Variants in CYB5A observed in about 807,000 individuals in gnomAD.
CYB5A encodes cytochrome b5 type A.
Under a neutral mutation model 16.2 loss-of-function variants are expected in CYB5A, and 10 were observed. The ratio of observed to expected loss-of-function variants is 0.62; its 90% CI spans 0.38 to 1.04. The LOEUF (loss-of-function observed/expected upper bound fraction) is 1.04. CYB5A is among the 50% of genes least tolerant of loss of function. The pLI is 0.01. For missense variants in CYB5A, 161 were observed against 165.9 expected (o/e 0.97, Z 0.16); for synonymous variants, 62 against 57.0 (o/e 1.09, Z -0.40).
At chr18:74,290,458 TG>T (rs200354466) in intron 1 of CYB5A, among the ~76,000 whole-genome samples, 3,664 of 152,268 alleles carry the variant, frequency 0.024, 149 homozygotes, top group African/African-American at 0.083. Flanking sequence ...TTGGTCAAGC[TG>T]GTCTCGAACT....
intron 1 of CYB5A, among the ~76,000 whole-genome samples, chr18:74,264,267 TG>T (rs1440230410): frequency 6.6e-6 from 1 of 151,616 alleles, no homozygotes; most frequent in East Asian, 1.9e-4. Context: ...CAACATAAGT[TG>T]CTTCCCCATG....
At chr18:74,268,770 G>A (rs560202416) in intron 1 of CYB5A, among the ~76,000 whole-genome samples, 16 of 152,284 alleles carry the variant, frequency 1.1e-4, no homozygotes, top group Admixed American at 4.6e-4. Context: ...CTGAATGGAA[G>A]ATGGGGCCAA....
At chr18:74,260,800 A>G in intron 3 of CYB5A, 115 bp downstream of exon 3, 1 of 877,052 alleles carries the variant, frequency 1.1e-6, no homozygotes, top group Non-Finnish European at 1.9e-6. Context: ...ATATTCATTT[A>G]TCTAGAAAGA....
Position 74,263,239 on chromosome 18 carries a change from T to G in CYB5A, c.258+110A>C, listed in dbSNP as rs544103728. The stretch of plus-strand genomic sequence containing the variant: ...AATGGTGTCCTAAAATCAGGAGTTG[T>G]TTTTGCTTTACTCCTTTTAAAATGT... On this transcript the variant is annotated intron_variant, in intron 2 of 4. Coordinates refer to ENST00000340533, the MANE Select transcript of CYB5A (RefSeq NM_148923.4). 2.2e-5 allele frequency: 32 copies of G among 1,428,268 alleles called. No individual in the cohort carries two copies. In the East Asian group the frequency reaches 7.1e-4, roughly 32 times the overall value. The allele number at this position is 1,428,268 out of a possible 1,614,324, so 88.5% of individuals were successfully genotyped here.
intron 4 of CYB5A, among the ~76,000 whole-genome samples, chr18:74,254,799 C>T (rs1004113607): frequency 6.6e-6 from 1 of 152,098 alleles, no homozygotes; most frequent in Non-Finnish European, 1.5e-5. Flanking sequence ...GGATTACAGG[C>T]GTGAGCCACC....
At chr18:74,275,145 C>T (rs1453064622) in intron 1 of CYB5A, among the ~76,000 whole-genome samples, 13 of 152,180 alleles carry the variant, frequency 8.5e-5, no homozygotes, top group Admixed American at 6.5e-4. Flanking sequence ...AGGTACCCTT[C>T]GCTGAACAAA....
intron 1 of CYB5A, among the ~76,000 whole-genome samples, chr18:74,272,811 A>G (rs1319926504): frequency 6.6e-6 from 1 of 151,798 alleles, no homozygotes; most frequent in East Asian, 1.9e-4. Flanking sequence ...ATCCTCAGCT[A>G]CTTGGGAGGC....
chr18:74,281,529 G>C (rs998193453), intron 1 of CYB5A, among the ~76,000 whole-genome samples: 1 of 152,174 alleles, frequency 6.6e-6, no homozygotes, highest in Non-Finnish European at 1.5e-5. Context: ...ATCTATGTCA[G>C]AGTCTGCTGA....
intron 1 of CYB5A, among the ~76,000 whole-genome samples, chr18:74,267,762 G>A (rs1291271622): frequency 2.0e-5 from 3 of 152,202 alleles, no homozygotes; most frequent in African/African-American, 7.2e-5. Context: ...TTCTCCCAAA[G>A]AGCCTGAGCC....
chr18:74,260,487 A>C (rs1982155452), intron 3 of CYB5A: 1 of 277,604 alleles, frequency 3.6e-6, no homozygotes, highest in Non-Finnish European at 7.0e-6. Context: ...TATTTATTGA[A>C]CACCTACTAT....
intron 1 of CYB5A, among the ~76,000 whole-genome samples, chr18:74,288,057 T>G (rs1340523537): frequency 2.0e-5 from 3 of 152,254 alleles, no homozygotes; most frequent in African/African-American, 7.2e-5. Context: ...ATCTTTTAAG[T>G]ATCAGACAGT....
chr18:74,279,517 G>A (rs932247238), intron 1 of CYB5A, among the ~76,000 whole-genome samples: 3 of 152,162 alleles, frequency 2.0e-5, no homozygotes, highest in Admixed American at 6.5e-5. Flanking sequence ...GCGACAGAGT[G>A]AGACTCCGTC....
chr18:74,267,054 G>C (rs1982469266), intron 1 of CYB5A, among the ~76,000 whole-genome samples: 1 of 152,162 alleles, frequency 6.6e-6, no homozygotes, highest in Admixed American at 6.5e-5. Context: ...GAGAGAGAGA[G>C]AGAGACACTT....
chr18:74,275,276 C>A (rs1982825801), intron 1 of CYB5A, among the ~76,000 whole-genome samples: 1 of 152,192 alleles, frequency 6.6e-6, no homozygotes, highest in Admixed American at 6.5e-5. Flanking sequence ...ACAGATACTT[C>A]CCAGCCTCCT....
chr18:74,258,898 T>G (rs1982091964), intron 3 of CYB5A: 1 of 152,304 alleles, frequency 6.6e-6, no homozygotes, highest in Admixed American at 6.5e-5. Context: ...AATCTCGGCA[T>G]TTTGGGAGGC....
intron 1 of CYB5A, among the ~76,000 whole-genome samples, chr18:74,285,125 A>G (rs1983271050): frequency 6.6e-6 from 1 of 152,334 alleles, no homozygotes; most frequent in Admixed American, 6.5e-5. Flanking sequence ...ATGAATTTCA[A>G]CACCCATACT....
Position 74,291,945 on chromosome 18 carries a change from A to G in CYB5A, c.-70T>C. Reference sequence around the variant, plus strand: ...GTGGAGCAGAGCGCGCGACTCAGCCAGCTCCACCCGGGACATTCCCCGCGC... The same window carrying G: ...GTGGAGCAGAGCGCGCGACTCAGCCGGCTCCACCCGGGACATTCCCCGCGC... On this transcript the variant is annotated 5_prime_UTR_variant, in exon 1 of 5. Transcript: ENST00000340533. 2 of 1,600,412 alleles carry G rather than the reference A, an allele frequency of 1.2e-6. No individual in the cohort carries two copies. The highest frequency in any genetic ancestry group is 1.7e-6 in the Non-Finnish European group (2 of 1,178,792).
At chr18:74,283,929 T>C (rs1158362801) in intron 1 of CYB5A, among the ~76,000 whole-genome samples, 1 of 152,144 alleles carries the variant, frequency 6.6e-6, no homozygotes, top group Non-Finnish European at 1.5e-5. Context: ...CCCATAGGGT[T>C]GTTTTGAAGA....
chr18:74,282,806 G>A (rs1189232356), intron 1 of CYB5A, among the ~76,000 whole-genome samples: 1 of 152,172 alleles, frequency 6.6e-6, no homozygotes, highest in Non-Finnish European at 1.5e-5. Flanking sequence ...GTAAGGACCA[G>A]ATCATTCAGA....
Sources: gnomAD v4.1 joint callset for allele counts (sites outside exome capture counted in the v4.1 genomes callset) on GRCh38, gnomAD v4.1.1 for gene constraint, MANE v1.5 for transcripts, NCBI Gene and HGNC (gene_info 2026-07-23, HGNC 2026-07-21) for gene names.